Variants in TMPRSS9 observed in about 807,000 individuals in gnomAD.
TMPRSS9 encodes transmembrane serine protease 9, also known as transmembrane protease serine 9.
Under a neutral mutation model 111.4 loss-of-function variants are expected in TMPRSS9, and 113 were observed. The observed-to-expected ratio is 1.01, with a 90% confidence interval of 0.87 to 1.19. TMPRSS9 has a LOEUF of 1.19. Ranked by LOEUF, TMPRSS9 falls within the 50% of genes most tolerant of loss-of-function variation. TMPRSS9 has a pLI of 0.00. For synonymous variants in TMPRSS9, 805 were observed against 659.1 expected (o/e 1.22, Z -3.39); for missense variants, 1,803 against 1,513.1 (o/e 1.19, Z -3.18).
chr19:2,390,834 C>A (rs1477395753), intron 1 of TMPRSS9, among the ~76,000 whole-genome samples: 1 of 151,544 alleles, frequency 6.6e-6, no homozygotes, highest in Non-Finnish European at 1.5e-5. Context: ...GCCTGGGTGA[C>A]AGAGTGAGAC....
intron 1 of TMPRSS9, among the ~76,000 whole-genome samples, chr19:2,381,307 G>A (rs913193220): frequency 4.6e-5 from 7 of 152,074 alleles, no homozygotes; most frequent in African/African-American, 1.7e-4. Flanking sequence ...TAGAAAACCC[G>A]CGGGGCAGGG....
rs767190428 is a variant in TMPRSS9 at position 2,403,046 on chromosome 19, C to T, written c.557-36C>T. The T allele has an allele frequency of 1.0e-5, 16 of 1,528,544 alleles. 1 individual carries two copies. In the South Asian group the frequency reaches 1.6e-4, roughly 16 times the overall value. 94.7% of individuals were successfully genotyped at this position (1,528,544 alleles called of 1,614,324 possible). On this transcript the variant is annotated intron_variant, in intron 5 of 17. Coordinates refer to ENST00000648592, the Ensembl canonical transcript of TMPRSS9. Reference sequence around the variant, plus strand: ...GCCTTACTCCAACCAGGAGATGTAGCATGAGGTCAGAAAGTCGGTTCTTTT... The same window carrying T: ...GCCTTACTCCAACCAGGAGATGTAGTATGAGGTCAGAAAGTCGGTTCTTTT...
intron 11 of TMPRSS9, 23 bp downstream of exon 12, chr19:2,415,864 A>G: frequency 6.5e-7 from 1 of 1,550,196 alleles, no homozygotes; most frequent in Non-Finnish European, 8.8e-7. Context: ...TCCTCCAGGA[A>G]GGCTGCCCGG....
upstream of TMPRSS9, chr19:2,389,683 G>A: frequency 7.0e-7 from 1 of 1,432,356 alleles, no homozygotes; most frequent in South Asian, 1.3e-5. Context: ...TAAGGGTATA[G>A]TTGCAACCCT....
rs191353597 is a variant in TMPRSS9 at position 2,394,055 on chromosome 19, T to C, written c.143-2484T>C. On this transcript the variant is annotated intron_variant, in intron 1 of 17. Coordinates refer to ENST00000648592, the Ensembl canonical transcript of TMPRSS9. ...GTCTCTACTAAAATACAAAAAACATTAGTTGGTCATGGTGGCATGTGCCTG... is the reference window on the plus strand; with the variant it reads ...GTCTCTACTAAAATACAAAAAACATCAGTTGGTCATGGTGGCATGTGCCTG... Among the ~76,000 whole-genome samples the C allele has an allele frequency of 3.6e-3, 552 of 151,986 alleles. 1 individual carries two copies. Among genetic ancestry groups the C allele is most frequent in the Non-Finnish European group, 6.5e-3 (440 of 67,954 alleles).
exon 5 of TMPRSS9, chr19:2,402,016 G>A: frequency 1.2e-6 from 2 of 1,610,576 alleles, no homozygotes; most frequent in Non-Finnish European, 1.7e-6. Context: ...CTTCAAATCA[G>A]GTATGTTTTT....
chr19:2,392,428 C>T (rs1229448451), intron 1 of TMPRSS9, among the ~76,000 whole-genome samples: 1 of 151,488 alleles, frequency 6.6e-6, no homozygotes, highest in African/African-American at 2.4e-5. Context: ...GACATGATGC[C>T]AGGCGTAGTG....
chr19:2,385,618 G>A (rs1017351038), upstream of TMPRSS9, among the ~76,000 whole-genome samples: 1 of 152,094 alleles, frequency 6.6e-6, no homozygotes, highest in Non-Finnish European at 1.5e-5. Context: ...TCTGGAGGCC[G>A]AGGCAGGAGG....
intron 6 of TMPRSS9, among the ~76,000 whole-genome samples, chr19:2,404,275 T>C (rs546763268): frequency 6.6e-6 from 1 of 152,076 alleles, no homozygotes; most frequent in African/African-American, 2.4e-5. Context: ...AAGAGGAAAA[T>C]CTTAATTCAT....
intron 4 of TMPRSS9, 29 bp downstream of exon 5, chr19:2,399,222 A>G (rs1444254358): frequency 1.3e-6 from 2 of 1,550,830 alleles, no homozygotes; most frequent in Admixed American, 2.0e-5. Context: ...CCGAAACCCC[A>G]TCACGAGGAG....
intron 9 of TMPRSS9, 140 bp downstream of exon 10, chr19:2,410,534 G>A (rs143286611): frequency 2.6e-5 from 32 of 1,221,878 alleles, no homozygotes; most frequent in South Asian, 6.1e-5. Context: ...AGACACGAGC[G>A]TGTTCAAATG....
At chr19:2,384,611 C>T (rs552911978) in intron 1 of TMPRSS9, among the ~76,000 whole-genome samples, 11 of 151,260 alleles carry the variant, frequency 7.3e-5, no homozygotes, top group African/African-American at 2.4e-4. Context: ...GTCAGGAGAT[C>T]GAGACCATCC....
chr19:2,364,797 A>G (rs1350211198), intron 1 of TMPRSS9, among the ~76,000 whole-genome samples: 1 of 151,956 alleles, frequency 6.6e-6, no homozygotes, highest in East Asian at 1.9e-4. Flanking sequence ...CATCCTGGCT[A>G]ACACGCTGAA....
chr19:2,414,580 C>G (rs1220522695), intron 10 of TMPRSS9, among the ~76,000 whole-genome samples: 1 of 147,228 alleles, frequency 6.8e-6, no homozygotes, highest in Non-Finnish European at 1.5e-5. Flanking sequence ...TGTACCCAGA[C>G]AACTTGTAGG....
intron 1 of TMPRSS9, among the ~76,000 whole-genome samples, chr19:2,377,243 C>CTGTATGTA (rs71178267): frequency 2.3e-3 from 309 of 135,216 alleles, no homozygotes; most frequent in East Asian, 6.8e-3. Context: ...TCTTTTTTTA[C>CTGTATGTA]TGTATGTATG....
intron 8 of TMPRSS9, 111 bp from the exon 10 acceptor site, chr19:2,410,147 C>T: frequency 1.3e-6 from 2 of 1,485,368 alleles, no homozygotes; most frequent in Middle Eastern, 1.9e-4. Flanking sequence ...ATGCTTGGAG[C>T]TGGGGAAACT....
At chr19:2,390,279 CG>C (rs1369722930) in intron 1 of TMPRSS9, among the ~76,000 whole-genome samples, 1 of 86,086 alleles carries the variant, frequency 1.2e-5, no homozygotes, top group Non-Finnish European at 2.5e-5. Context: ...CTCTCTCTGT[CG>C]CCCAGGCTGG....
rs149677313 is a variant in TMPRSS9, at chr19:2,374,765, C to G, written c.-26+14405C>G. Among the ~76,000 whole-genome samples, 27 of 152,002 alleles carry G rather than the reference C, an allele frequency of 1.8e-4. No individual in the cohort carries two copies. In the East Asian group the frequency reaches 5.2e-3, roughly 30 times the overall value. ...CCCCTTACCCACGAGCCTCTGTGGC[C>G]TTGGTGAGGTGGGCGCCGAGTGCAT... is the stretch of plus-strand genomic sequence containing the variant. On this transcript the variant is annotated intron_variant, in intron 1 of 17. Transcript: ENST00000649857.
chr19:2,361,143 A>T, intron 1 of TMPRSS9, among the ~76,000 whole-genome samples: 1 of 109,974 alleles, frequency 9.1e-6, no homozygotes, highest in Non-Finnish European at 1.9e-5. Flanking sequence ...GATGGGGTGC[A>T]GGGCTGGGGT....
Sources: gnomAD v4.1 joint callset for allele counts (sites outside exome capture counted in the v4.1 genomes callset) on GRCh38, gnomAD v4.1.1 for gene constraint, MANE v1.5 for transcripts, NCBI Gene and HGNC (gene_info 2026-07-23, HGNC 2026-07-21) for gene names.